CACNA1C: variants seen among roughly 807,000 people sequenced by gnomAD.
The protein encoded by CACNA1C is calcium voltage-gated channel subunit alpha1 C.
CACNA1C carries 30 observed loss-of-function variants against 229.0 expected under a neutral mutation model. The ratio of observed to expected loss-of-function variants is 0.13; its 90% CI spans 0.10 to 0.18. The LOEUF is 0.18. Among genes scored for constraint, CACNA1C ranks in the 10% least tolerant of loss-of-function variants. CACNA1C has a pLI of 1.00. For missense variants in CACNA1C, 1,658 were observed against 2,845.0 expected (o/e 0.58, Z 9.49); for synonymous variants, 1,114 against 1,132.5 (o/e 0.98, Z 0.33).
At position 2,450,325 on chromosome 12, in the gene CACNA1C, C is replaced by T. The variant is rs369246089; in HGVS notation, c.617+1210C>T. On this transcript the variant is annotated intron_variant, in intron 4 of 46. Coordinates refer to ENST00000399655, the MANE Select transcript of CACNA1C (RefSeq NM_000719.7). ...ATCCCAGCACTTTGGGAGGCCAAGG[C>T]GGGCGGATCACGAGGTCAGGAGATC... Among the ~76,000 whole-genome samples the T allele has an allele frequency of 9.1e-4, 139 of 152,048 alleles. No homozygotes were observed. In the Middle Eastern group the frequency reaches 0.014, roughly 15 times the overall value.
intron 3 of CACNA1C, among the ~76,000 whole-genome samples, chr12:2,151,743 G>A (rs898697936): frequency 4.6e-5 from 7 of 152,180 alleles, no homozygotes; most frequent in Admixed American, 2.6e-4. Flanking sequence ...ACAGATGACA[G>A]CAGGCCACTC....
chr12:2,381,374 C>T (rs911682977), intron 3 of CACNA1C, among the ~76,000 whole-genome samples: 2 of 152,226 alleles, frequency 1.3e-5, no homozygotes, highest in African/African-American at 4.8e-5. Flanking sequence ...TTTAGAACTT[C>T]CAAACCTAAC....
chr12:2,453,497 A>G (rs1036230318), intron 4 of CACNA1C, among the ~76,000 whole-genome samples: 9 of 152,182 alleles, frequency 5.9e-5, no homozygotes, highest in Non-Finnish European at 1.3e-4. Flanking sequence ...GTGGCAATGA[A>G]TCTGTAGCAT....
chr12:2,491,601 G>T (rs1353849027), intron 6 of CACNA1C, among the ~76,000 whole-genome samples: 1 of 151,480 alleles, frequency 6.6e-6, no homozygotes, highest in Non-Finnish European at 1.5e-5. Flanking sequence ...AGCTGATGGG[G>T]TCAGTGGGAG....
chr12:2,535,704 T>TAAAAATAAAA (rs2099852488), intron 9 of CACNA1C, among the ~76,000 whole-genome samples: 6 of 36,536 alleles, frequency 1.6e-4, no homozygotes, highest in African/African-American at 5.3e-4. Context: ...AGACCCTGTC[T>TAAAAATAAAA]AAAAAAAAAA....
intron 3 of CACNA1C, among the ~76,000 whole-genome samples, chr12:2,195,783 C>A (rs573083303): frequency 5.3e-5 from 8 of 152,306 alleles, no homozygotes; most frequent in Admixed American, 3.3e-4. Context: ...ATGTCGAAAC[C>A]GGGAAGGGGC....
chr12:2,224,638 T>C (rs1429261465), intron 3 of CACNA1C, among the ~76,000 whole-genome samples: 4 of 152,160 alleles, frequency 2.6e-5, no homozygotes, highest in Admixed American at 2.6e-4. Flanking sequence ...TTTGGCTCAC[T>C]TTGGGATTTT....
intron 3 of CACNA1C, among the ~76,000 whole-genome samples, chr12:2,173,353 T>C (rs2096552538): frequency 6.6e-6 from 1 of 152,150 alleles, no homozygotes; most frequent in South Asian, 2.1e-4. Flanking sequence ...ATTCAACGGG[T>C]ATTAATTGGC....
intron 3 of CACNA1C, among the ~76,000 whole-genome samples, chr12:2,219,565 G>A (rs1003098916): frequency 6.6e-6 from 1 of 152,190 alleles, no homozygotes; most frequent in African/African-American, 2.4e-5. Context: ...CGGGCTGTAA[G>A]TAGAAAAGAA....
rs575593542 is a variant in CACNA1C at position 2,393,298 on chromosome 12, G to A, written c.478-55678G>A. Among the ~76,000 whole-genome samples the A allele has an allele frequency of 3.9e-5, 6 of 152,278 alleles. No individual in the cohort carries two copies. In the South Asian group the frequency reaches 1.2e-3, roughly 32 times the overall value. On this transcript the variant is annotated intron_variant, in intron 3 of 46. Transcript: ENST00000399655. ...ACTGATCACCAGCCAAGCAGAGAAG[G>A]GGTGAGTGGCATGTGAATGACTGCT...
chr12:2,090,223 G>A (rs147024701), intron 1 of CACNA1C, among the ~76,000 whole-genome samples: 318 of 151,746 alleles, frequency 2.1e-3, no homozygotes, highest in African/African-American at 7.4e-3. Flanking sequence ...GTAGCATAAT[G>A]GACTGAAAGT....
intron 3 of CACNA1C, among the ~76,000 whole-genome samples, chr12:2,144,457 G>C (rs1239455723): frequency 6.6e-6 from 1 of 151,128 alleles, no homozygotes. Flanking sequence ...ATTACCTATC[G>C]AGCACCTATC....
intron 29 of CACNA1C, among the ~76,000 whole-genome samples, chr12:2,626,008 C>T (rs1434608200): frequency 6.6e-6 from 1 of 152,190 alleles, no homozygotes; most frequent in East Asian, 1.9e-4. Context: ...TCTGGTTATT[C>T]CCATGTTGCA....
At chr12:2,484,831 A>T (rs2099691475) in intron 5 of CACNA1C, among the ~76,000 whole-genome samples, 2 of 151,970 alleles carry the variant, frequency 1.3e-5, no homozygotes, top group African/African-American at 4.8e-5. Context: ...TTCAATCTGA[A>T]AACATCTTGT....
At chr12:2,146,340 T>A (rs1406228182) in intron 3 of CACNA1C, among the ~76,000 whole-genome samples, 1 of 151,330 alleles carries the variant, frequency 6.6e-6, no homozygotes, top group Non-Finnish European at 1.5e-5. Context: ...ACTTGTGAAG[T>A]GGCACTTGAG....
chr12:2,205,283 G>A (rs1242732494), intron 3 of CACNA1C, among the ~76,000 whole-genome samples: 1 of 152,210 alleles, frequency 6.6e-6, no homozygotes, highest in African/African-American at 2.4e-5. Context: ...AGTCCTGAGA[G>A]GCCAGGTGTC....
chr12:2,000,910 G>A (rs1007341618), intron 1 of CACNA1C, among the ~76,000 whole-genome samples: 2 of 152,088 alleles, frequency 1.3e-5, no homozygotes, highest in African/African-American at 2.4e-5. Flanking sequence ...GGTGGCAGGC[G>A]CCTGTAATCC....
chr12:2,109,522 G>T (rs1469652195), intron 1 of CACNA1C, among the ~76,000 whole-genome samples: 1 of 152,232 alleles, frequency 6.6e-6, no homozygotes, highest in Non-Finnish European at 1.5e-5. Flanking sequence ...ATTGGACCGG[G>T]CCCAGAGGGG....
chr12:1,993,627 G>GGGGTGT (rs1555213620), intron 1 of CACNA1C, among the ~76,000 whole-genome samples: 1,686 of 146,668 alleles, frequency 0.011, 33 homozygotes, highest in African/African-American at 0.04. Flanking sequence ...CTTCATTTGT[G>GGGGTGT]GTGTGTGTGT....
Sources: allele counts gnomAD v4.1 joint callset (sites outside exome capture counted in the v4.1 genomes callset), GRCh38; gene constraint gnomAD v4.1.1; transcripts MANE v1.5; gene names NCBI Gene and HGNC (gene_info 2026-07-23, HGNC 2026-07-21).